Variants in BLTP1 observed in about 807,000 individuals in gnomAD.
BLTP1 encodes the protein fragile site-associated protein.
chr4:122,343,812 A>T, the BLTP1 span: 1 of 487,734 alleles, frequency 2.1e-6, no homozygotes, highest in Non-Finnish European at 2.7e-6. Context: ...CAAGAATTTT[A>T]AAATTCAGAA....
the BLTP1 span, chr4:122,211,069 C>G: frequency 6.2e-7 from 1 of 1,612,492 alleles, no homozygotes. Context: ...CTATGGACCT[C>G]TACTAAATGC....
At chr4:122,339,501 T>C in the BLTP1 span, 1 of 878,760 alleles carries the variant, frequency 1.1e-6, no homozygotes. Flanking sequence ...TTTTAAAATA[T>C]ATTTGGAAAA....
chr4:122,248,361 A>G, the BLTP1 span, among the ~76,000 whole-genome samples: 1 of 152,024 alleles, frequency 6.6e-6, no homozygotes, highest in Admixed American at 6.6e-5. Context: ...AAACACTCTC[A>G]TTGAAGACAA....
At chr4:122,302,800 T>C in the BLTP1 span, among the ~76,000 whole-genome samples, 3 of 152,170 alleles carry the variant, frequency 2.0e-5, no homozygotes, top group Non-Finnish European at 4.4e-5. Flanking sequence ...ATGGTGTGGA[T>C]AGACCAGCCA....
chr4:122,275,385 A>G, the BLTP1 span, among the ~76,000 whole-genome samples: 1 of 152,110 alleles, frequency 6.6e-6, no homozygotes, highest in African/African-American at 2.4e-5. Flanking sequence ...GTAAGAAGAG[A>G]TGCCTGAATC....
At chr4:122,192,464 T>G in the BLTP1 span, 1 of 907,720 alleles carries the variant, frequency 1.1e-6, no homozygotes. Flanking sequence ...CTTAAAATTT[T>G]TATAAACTAT....
the BLTP1 span, chr4:122,244,002 C>A: frequency 1.3e-6 from 2 of 1,597,664 alleles, no homozygotes; most frequent in South Asian, 1.1e-5. Context: ...TGTTTTGACT[C>A]CCCTGGTGGC....
chr4:122,275,922 T>C, the BLTP1 span: 1 of 1,487,108 alleles, frequency 6.7e-7, no homozygotes, highest in South Asian at 1.5e-5. Flanking sequence ...CATGAATGTT[T>C]ATTTGCCTCC....
the BLTP1 span, chr4:122,334,359 A>C: frequency 6.3e-7 from 1 of 1,583,490 alleles, no homozygotes; most frequent in Non-Finnish European, 8.7e-7. Flanking sequence ...TTACAATTCC[A>C]AGACGCTAAA....
the BLTP1 span, chr4:122,197,365 A>G: frequency 9.7e-7 from 1 of 1,033,462 alleles, no homozygotes; most frequent in South Asian, 2.8e-5. Context: ...TAACATTAAT[A>G]AGGTTTTCTT....
At chr4:122,333,782 A>G in the BLTP1 span, 4 of 1,610,340 alleles carry the variant, frequency 2.5e-6, no homozygotes, top group Middle Eastern at 5.0e-4. Flanking sequence ...AAACAACAGT[A>G]TTTTACATTC....
At chr4:122,313,886 C>CAT in the BLTP1 span, 219 of 167,094 alleles carry the variant, frequency 1.3e-3, no homozygotes, top group Non-Finnish European at 1.9e-3. Context: ...TAAATATATA[C>CAT]ATATATATAT....
At chr4:122,291,832 G>C in the BLTP1 span, 3 of 979,346 alleles carry the variant, frequency 3.1e-6, no homozygotes, top group African/African-American at 5.3e-5. Context: ...TTATTGTTTA[G>C]TATGTTTTGT....
chr4:122,362,132 T>C, the BLTP1 span: 1 of 1,613,576 alleles, frequency 6.2e-7, no homozygotes, highest in Non-Finnish European at 8.5e-7. Context: ...CCTAAATGGC[T>C]TCAAAGAGGA....
At chr4:122,174,977 T>A in the BLTP1 span, 18 of 883,482 alleles carry the variant, frequency 2.0e-5, no homozygotes, top group Middle Eastern at 1.2e-3. Context: ...GGTTTAGAGA[T>A]GTTGGTCTGT....
chr4:122,234,952 T>G, the BLTP1 span: 3 of 1,613,716 alleles, frequency 1.9e-6, no homozygotes, highest in East Asian at 6.7e-5. Context: ...GAGTCTGATA[T>G]GTATTATGGA....
chr4:122,154,983 T>G, the BLTP1 span: 1 of 905,696 alleles, frequency 1.1e-6, no homozygotes, highest in Admixed American at 6.2e-5. Context: ...CTACAGAGAA[T>G]AATGGAAGAC....
chr4:122,289,616 T>C, the BLTP1 span: 4 of 985,306 alleles, frequency 4.1e-6, no homozygotes, highest in Non-Finnish European at 4.8e-6. Flanking sequence ...TCCTCAAGAA[T>C]AGCTTACAGT....
the BLTP1 span, chr4:122,313,453 T>A: frequency 1.3e-5 from 2 of 154,474 alleles, no homozygotes; most frequent in Non-Finnish European, 2.8e-5. Flanking sequence ...TAAGAATCGA[T>A]CTTATGAGTC....
Sources: gnomAD v4.1 joint callset for allele counts (sites outside exome capture counted in the v4.1 genomes callset) on GRCh38, gnomAD v4.1.1 for gene constraint, MANE v1.5 for transcripts, NCBI Gene and HGNC (gene_info 2026-07-23, HGNC 2026-07-21) for gene names.